TBL1X: variants seen among roughly 807,000 people sequenced by gnomAD.
TBL1X encodes the protein F-box-like/WD repeat-containing protein TBL1X.
Under a neutral mutation model 50.7 loss-of-function variants are expected in TBL1X, and 10 were observed. The ratio of observed to expected loss-of-function variants is 0.20; its 90% CI spans 0.12 to 0.33. TBL1X has a LOEUF of 0.33. Among genes scored for constraint, TBL1X ranks in the 10% least tolerant of loss-of-function variants. TBL1X has a pLI of 1.00. For synonymous variants in TBL1X, 190 were observed against 214.7 expected (o/e 0.88, Z 1.01); for missense variants, 340 against 504.4 (o/e 0.67, Z 3.12).
At chrX:9,662,227 C>T (rs2082902763) in intron 5 of TBL1X, among the ~76,000 whole-genome samples, 1 of 111,478 alleles carries the variant, frequency 9.0e-6, no homozygotes, top group Non-Finnish European at 1.9e-5. Flanking sequence ...AACAGAAAGA[C>T]ATGCCCCCTC....
chrX:9,625,267 A>C (rs1197486515), intron 2 of TBL1X, among the ~76,000 whole-genome samples: 2 of 112,469 alleles, frequency 1.8e-5, no homozygotes, highest in Non-Finnish European at 3.7e-5. Context: ...ACAGCATTCC[A>C]ATGACCAGTG....
chrX:9,568,004 C>CT (rs1452187173), intron 2 of TBL1X, among the ~76,000 whole-genome samples: 1 of 111,893 alleles, frequency 8.9e-6, no homozygotes, highest in Non-Finnish European at 1.9e-5. Context: ...CAGTTCAGTG[C>CT]TCCCCCTTAG....
At chrX:9,653,748 G>GGCCGC in intron 4 of TBL1X, 59 bp downstream of exon 4, 1 of 1,025,574 alleles carries the variant, frequency 9.8e-7, no homozygotes, top group Non-Finnish European at 1.3e-6. Context: ...GTGTTGACAT[G>GGCCGC]GCCGCGGGTG....
At chrX:9,492,402 T>C (rs1375076213) in intron 1 of TBL1X, among the ~76,000 whole-genome samples, 2 of 111,752 alleles carry the variant, frequency 1.8e-5, no homozygotes, top group African/African-American at 6.5e-5. Flanking sequence ...GGAGGAGGAC[T>C]TGGCTTCATT....
At chrX:9,497,280 G>A (rs930635675) in intron 1 of TBL1X, among the ~76,000 whole-genome samples, 1 of 109,134 alleles carries the variant, frequency 9.2e-6, no homozygotes, top group African/African-American at 3.3e-5. Flanking sequence ...GTGGTGTTGT[G>A]TGCCTGTAGT....
chrX:9,560,519 C>G (rs1347844956), intron 2 of TBL1X: 2 of 112,375 alleles, frequency 1.8e-5, no homozygotes, highest in African/African-American at 6.5e-5. Flanking sequence ...AGGTGCGTGC[C>G]TGGAGGACTT....
chrX:9,562,589 A>G (rs767467773), intron 2 of TBL1X, among the ~76,000 whole-genome samples: 12 of 112,166 alleles, frequency 1.1e-4, no homozygotes, highest in Non-Finnish European at 1.7e-4. Context: ...TACAAGCTTA[A>G]TAAGATTCCA....
intron 5 of TBL1X, among the ~76,000 whole-genome samples, chrX:9,680,356 A>G (rs1049998967): frequency 8.9e-6 from 1 of 112,109 alleles, no homozygotes; most frequent in Non-Finnish European, 1.9e-5. Context: ...TGGGACAGCA[A>G]CCTTTCCACT....
chrX:9,579,883 C>G lies in TBL1X; in HGVS notation c.-130-60390C>G, dbSNP rs189484828. Among the ~76,000 whole-genome samples the G allele has an allele frequency of 6.3e-5, 7 of 111,526 alleles. 1 individual carries two copies. The highest frequency in any genetic ancestry group is 2.8e-4 in the Admixed American group (3 of 10,543). On this transcript the variant is annotated intron_variant, in intron 2 of 17. Coordinates refer to ENST00000645353, the MANE Select transcript of TBL1X (RefSeq NM_005647.4). Reference sequence around the variant, plus strand: ...AAGAAAGGAACAAAGGAAGAGGCAACTAAGGGAATCTTTCAGTGGGTTCAT... The same window carrying G: ...AAGAAAGGAACAAAGGAAGAGGCAAGTAAGGGAATCTTTCAGTGGGTTCAT...
intron 2 of TBL1X, among the ~76,000 whole-genome samples, chrX:9,581,297 TC>T (rs1323305514): frequency 8.9e-6 from 1 of 112,067 alleles, no homozygotes; most frequent in African/African-American, 3.2e-5. Context: ...ATCTATACAT[TC>T]TTTTCTCATG....
At chrX:9,511,014 C>G (rs1174911010) in intron 2 of TBL1X, among the ~76,000 whole-genome samples, 7 of 112,342 alleles carry the variant, frequency 6.2e-5, no homozygotes, top group Non-Finnish European at 1.1e-4. Flanking sequence ...CCCTGACTAA[C>G]ATCACTGCTT....
At chrX:9,523,985 T>A (rs1269244389) in intron 2 of TBL1X, among the ~76,000 whole-genome samples, 15 of 94,831 alleles carry the variant, frequency 1.6e-4, no homozygotes, top group African/African-American at 6.1e-4. Flanking sequence ...TTTTTTTTTT[T>A]TAGACAGAGT....
At chrX:9,495,803 A>G (rs1569206914) in intron 1 of TBL1X, among the ~76,000 whole-genome samples, 2 of 111,835 alleles carry the variant, frequency 1.8e-5, no homozygotes, top group Admixed American at 1.9e-4. Flanking sequence ...CCCAGAAACT[A>G]CAACATTTCA....
chrX:9,653,504 C>A, intron 3 of TBL1X, 41 bp from the exon 4 acceptor site: 3 of 851,803 alleles, frequency 3.5e-6, no homozygotes, highest in African/African-American at 2.0e-5. Flanking sequence ...ACACAAATGA[C>A]AGAGGTGCTC....
chrX:9,542,713 G>A (rs992708176), intron 2 of TBL1X, among the ~76,000 whole-genome samples: 1 of 112,097 alleles, frequency 8.9e-6, no homozygotes, highest in African/African-American at 3.2e-5. Context: ...GTTAGGTAGG[G>A]CTAGCAAGAG....
chrX:9,616,780 TC>T (rs1190997864), intron 2 of TBL1X, among the ~76,000 whole-genome samples: 1 of 111,847 alleles, frequency 8.9e-6, no homozygotes, highest in Non-Finnish European at 1.9e-5. Context: ...TAATTGTGTT[TC>T]CTCAGTGTAT....
At chrX:9,501,499 A>G (rs1382621826) in intron 1 of TBL1X, among the ~76,000 whole-genome samples, 2 of 110,853 alleles carry the variant, frequency 1.8e-5, no homozygotes, top group Non-Finnish European at 3.8e-5. Flanking sequence ...GACCATGGTG[A>G]CCTGTGAGGA....
chrX:9,631,850 C>T (rs971710256), intron 2 of TBL1X, among the ~76,000 whole-genome samples: 1 of 112,467 alleles, frequency 8.9e-6, no homozygotes, highest in African/African-American at 3.2e-5. Flanking sequence ...TTTTTCTTCC[C>T]CTTCATGGAC....
At chrX:9,697,631 C>T (rs193235396) in intron 12 of TBL1X, among the ~76,000 whole-genome samples, 10 of 111,594 alleles carry the variant, frequency 9.0e-5, no homozygotes, top group South Asian at 3.8e-4. Context: ...ACTAGCCAGG[C>T]GTGGTGGTCC....
Sources: allele counts gnomAD v4.1 joint callset (sites outside exome capture counted in the v4.1 genomes callset), GRCh38; gene constraint gnomAD v4.1.1; transcripts MANE v1.5; gene names NCBI Gene and HGNC (gene_info 2026-07-23, HGNC 2026-07-21).